AGBL1: variants seen among roughly 807,000 people sequenced by gnomAD.
AGBL1 encodes cytosolic carboxypeptidase 4.
In AGBL1, 130 loss-of-function variants were observed where a neutral mutation model predicts 118.9. The ratio of observed to expected loss-of-function variants is 1.09; its 90% CI spans 0.95 to 1.26. The LOEUF is 1.26. Among genes scored for constraint, AGBL1 ranks in the 50% most tolerant of loss-of-function variants. The probability of loss-of-function intolerance (pLI) is 0.00; values close to 1 mark genes in which losing one functional copy is unlikely to be tolerated. For missense variants in AGBL1, 1,584 were observed against 1,298.1 expected (o/e 1.22, Z -3.38); for synonymous variants, 555 against 478.9 (o/e 1.16, Z -2.08).
chr15:86,919,596 A>ACG (rs1555463044), downstream of AGBL1, among the ~76,000 whole-genome samples: 2 of 136,236 alleles, frequency 1.5e-5, no homozygotes, highest in Non-Finnish European at 1.7e-5. Context: ...ACACACACAC[A>ACG]CACACACACA....
chr15:86,799,413 G>A (rs1377161684), intron 22 of AGBL1, among the ~76,000 whole-genome samples: 1 of 152,142 alleles, frequency 6.6e-6, no homozygotes, highest in Non-Finnish European at 1.5e-5. Context: ...TGGGCGAATA[G>A]GGTGGGTGTT....
intron 21 of AGBL1, among the ~76,000 whole-genome samples, chr15:86,574,570 A>ATTTTTTTTTTTTTTT (rs776642678): frequency 1.2e-5 from 1 of 83,758 alleles, no homozygotes. Context: ...AAAAGTTTTA[A>ATTTTTTTTTTTTTTT]TTTTTTTTTT....
intron 1 of AGBL1, among the ~76,000 whole-genome samples, chr15:86,115,177 A>C (rs1198243234): frequency 6.6e-6 from 1 of 152,204 alleles, no homozygotes; most frequent in Non-Finnish European, 1.5e-5. Context: ...TGTTTGAGCC[A>C]TCTAGGTAGC....
chr15:86,633,200 A>G (rs2085006335), intron 21 of AGBL1, among the ~76,000 whole-genome samples: 1 of 152,078 alleles, frequency 6.6e-6, no homozygotes, highest in South Asian at 2.1e-4. Context: ...TGCAGCTCTG[A>G]AAAAAAATGC....
intron 21 of AGBL1, among the ~76,000 whole-genome samples, chr15:86,647,846 T>C (rs1387280512): frequency 6.6e-6 from 1 of 152,120 alleles, no homozygotes; most frequent in Non-Finnish European, 1.5e-5. Context: ...GTAAGGGTGT[T>C]ATTGAGAAGA....
chr15:86,751,594 T>A (rs2077852800), intron 22 of AGBL1, among the ~76,000 whole-genome samples: 1 of 152,068 alleles, frequency 6.6e-6, no homozygotes, highest in South Asian at 2.1e-4. Flanking sequence ...TTTTATATAT[T>A]GTTAGATATT....
intron 5 of AGBL1, among the ~76,000 whole-genome samples, chr15:86,220,990 A>G (rs2078271794): frequency 6.6e-6 from 1 of 152,152 alleles, no homozygotes; most frequent in African/African-American, 2.4e-5. Flanking sequence ...ACTTGAGGTC[A>G]GGAGTTTGAG....
intron 17 of AGBL1, among the ~76,000 whole-genome samples, chr15:86,315,009 T>G (rs542007569): frequency 6.6e-6 from 1 of 152,180 alleles, no homozygotes; most frequent in African/African-American, 2.4e-5. Flanking sequence ...CTTCCTAAGG[T>G]TGTGGTGAGG....
chr15:86,769,853 A>G (rs1201422818), intron 22 of AGBL1, among the ~76,000 whole-genome samples: 4 of 151,944 alleles, frequency 2.6e-5, no homozygotes, highest in African/African-American at 7.2e-5. Flanking sequence ...AAAGTCACAA[A>G]TGCAAATCTG....
chr15:86,155,251 T>A (rs1567091627), intron 4 of AGBL1, among the ~76,000 whole-genome samples: 1 of 152,136 alleles, frequency 6.6e-6, no homozygotes, highest in Non-Finnish European at 1.5e-5. Context: ...TCAGATCGCT[T>A]GAGCCCAGGC....
At chr15:86,458,393 A>G (rs2082287589) in intron 18 of AGBL1, among the ~76,000 whole-genome samples, 2 of 152,208 alleles carry the variant, frequency 1.3e-5, no homozygotes, top group African/African-American at 4.8e-5. Context: ...TCCATTTTGC[A>G]TCAATTTTCT....
chr15:86,504,710 A>G (rs559783794), intron 18 of AGBL1, among the ~76,000 whole-genome samples: 2 of 151,766 alleles, frequency 1.3e-5, no homozygotes, highest in African/African-American at 4.8e-5. Flanking sequence ...TCTTTGTGCT[A>G]TTATCATATA....
chr15:86,531,588 G>T (rs1199486383), intron 19 of AGBL1, among the ~76,000 whole-genome samples: 2 of 6,288 alleles, frequency 3.2e-4, no homozygotes, highest in African/African-American at 2.0e-3. Flanking sequence ...GAAAAAGAGG[G>T]AATCCTCCCT....
chr15:86,611,234 C>T (rs528705520), intron 21 of AGBL1, among the ~76,000 whole-genome samples: 22 of 152,094 alleles, frequency 1.4e-4, no homozygotes, highest in Non-Finnish European at 2.8e-4. Flanking sequence ...AAATAAAAAT[C>T]AATGTTTTAG....
chr15:86,241,138 A>G (rs1477064346), intron 6 of AGBL1, among the ~76,000 whole-genome samples: 1 of 152,200 alleles, frequency 6.6e-6, no homozygotes, highest in African/African-American at 2.4e-5. Flanking sequence ...TCAGAGAGGC[A>G]GCAATGTAGG....
chr15:86,762,972 C>T (rs918687628), intron 22 of AGBL1, among the ~76,000 whole-genome samples: 13 of 151,884 alleles, frequency 8.6e-5, no homozygotes, highest in African/African-American at 3.1e-4. Context: ...TAGCACTGTG[C>T]TAAAATAGAG....
chr15:86,992,129 G>A (rs2081341508), intron 24 of AGBL1, among the ~76,000 whole-genome samples: 1 of 152,002 alleles, frequency 6.6e-6, no homozygotes, highest in South Asian at 2.1e-4. Flanking sequence ...GGGAAGTGGG[G>A]GAAGGCATGT....
chr15:86,715,474 C>T (rs1169753202), intron 22 of AGBL1, among the ~76,000 whole-genome samples: 1 of 152,134 alleles, frequency 6.6e-6, no homozygotes. Context: ...CATAACTGAA[C>T]TGATCCCATT....
At chr15:86,250,104 G>T (rs928087540) in intron 7 of AGBL1, among the ~76,000 whole-genome samples, 2 of 152,158 alleles carry the variant, frequency 1.3e-5, no homozygotes, top group African/African-American at 4.8e-5. Context: ...GGGCCTATGG[G>T]ATAGTGCTGA....
Sources: allele counts gnomAD v4.1 joint callset (sites outside exome capture counted in the v4.1 genomes callset), GRCh38; gene constraint gnomAD v4.1.1; transcripts MANE v1.5; gene names NCBI Gene and HGNC (gene_info 2026-07-23, HGNC 2026-07-21).